Variants in B3GALT1 observed in about 807,000 individuals in gnomAD.
B3GALT1 encodes UDP-Gal:betaGlcNAc beta 1,3-galactosyltransferase, polypeptide 1.
Under a neutral mutation model 23.2 loss-of-function variants are expected in B3GALT1, and 10 were observed. The ratio of observed to expected loss-of-function variants is 0.43; its 90% CI spans 0.27 to 0.73. The LOEUF (loss-of-function observed/expected upper bound fraction) is 0.73. Among genes scored for constraint, B3GALT1 ranks in the 30% least tolerant of loss-of-function variants. The pLI is 0.21. For synonymous variants in B3GALT1, 156 were observed against 141.5 expected (o/e 1.10, Z -0.73); for missense variants, 299 against 405.4 (o/e 0.74, Z 2.25).
intron 1 of B3GALT1, among the ~76,000 whole-genome samples, chr2:167,455,207 G>A (rs1699149950): frequency 6.6e-6 from 1 of 152,086 alleles, no homozygotes; most frequent in Admixed American, 6.5e-5. Flanking sequence ...TCACACATTG[G>A]ACTTTATGGA....
At chr2:167,370,339 C>G (rs1453517967) in intron 1 of B3GALT1, among the ~76,000 whole-genome samples, 1 of 151,764 alleles carries the variant, frequency 6.6e-6, no homozygotes, top group Non-Finnish European at 1.5e-5. Flanking sequence ...CACCTAATGG[C>G]AATGTCTGCA....
intron 2 of B3GALT1, among the ~76,000 whole-genome samples, chr2:167,511,942 A>G (rs1191982582): frequency 2.0e-5 from 3 of 152,216 alleles, no homozygotes; most frequent in African/African-American, 7.2e-5. Flanking sequence ...GAATACAGCA[A>G]TGAATACAAA....
intron 1 of B3GALT1, among the ~76,000 whole-genome samples, chr2:167,363,570 C>G (rs1034502515): frequency 6.6e-6 from 1 of 152,116 alleles, no homozygotes; most frequent in African/African-American, 2.4e-5. Context: ...CACCTCCTTG[C>G]CTGTGGCATA....
intron 1 of B3GALT1, among the ~76,000 whole-genome samples, chr2:167,480,158 G>C (rs1179783990): frequency 6.6e-6 from 1 of 152,138 alleles, no homozygotes; most frequent in Non-Finnish European, 1.5e-5. Flanking sequence ...TGAGCAGTAA[G>C]GGATTATAGA....
intron 4 of B3GALT1, among the ~76,000 whole-genome samples, chr2:167,833,091 C>T (rs746446394): frequency 6.6e-6 from 1 of 152,180 alleles, no homozygotes; most frequent in Non-Finnish European, 1.5e-5. Context: ...GTAATTTCTC[C>T]TCCCCTCACT....
At chr2:167,588,503 A>G (rs145986959) in intron 2 of B3GALT1, among the ~76,000 whole-genome samples, 50 of 152,262 alleles carry the variant, frequency 3.3e-4, no homozygotes, top group African/African-American at 1.1e-3. Context: ...ACTCCCCACA[A>G]TAGCATATAA....
chr2:167,725,447 C>A, intron 3 of B3GALT1, among the ~76,000 whole-genome samples: 1 of 152,072 alleles, frequency 6.6e-6, no homozygotes, highest in East Asian at 1.9e-4. Context: ...CTCTGGAAAC[C>A]CTGAACTAAT....
intron 2 of B3GALT1, among the ~76,000 whole-genome samples, chr2:167,534,151 A>G (rs2105369635): frequency 6.6e-6 from 1 of 152,210 alleles, no homozygotes. Flanking sequence ...ATTTCTGAAG[A>G]TACTTACCTT....
intron 2 of B3GALT1, among the ~76,000 whole-genome samples, chr2:167,612,254 A>T (rs1685079539): frequency 6.6e-6 from 1 of 151,950 alleles, no homozygotes; most frequent in South Asian, 2.1e-4. Flanking sequence ...GGACCTAAAA[A>T]ATTCAATATT....
chr2:167,533,870 C>T (rs906338825), intron 2 of B3GALT1, among the ~76,000 whole-genome samples: 1 of 152,066 alleles, frequency 6.6e-6, no homozygotes. Context: ...TTGTTGTTTG[C>T]CTAGAAATGT....
intron 2 of B3GALT1, among the ~76,000 whole-genome samples, chr2:167,566,460 C>T (rs959827423): frequency 1.3e-5 from 2 of 151,256 alleles, no homozygotes; most frequent in Non-Finnish European, 2.9e-5. Context: ...ATGTAACTAA[C>T]CTGCACATTG....
chr2:167,703,910 G>A (rs181819833), intron 3 of B3GALT1, among the ~76,000 whole-genome samples: 7 of 152,172 alleles, frequency 4.6e-5, no homozygotes, highest in African/African-American at 7.2e-5. Flanking sequence ...GGCCCGGCGC[G>A]GTGGCTCACA....
At chr2:167,457,942 A>AT (rs1303010137) in intron 1 of B3GALT1, among the ~76,000 whole-genome samples, 1 of 152,142 alleles carries the variant, frequency 6.6e-6, no homozygotes, top group Non-Finnish European at 1.5e-5. Flanking sequence ...TTTCTCTTCT[A>AT]TTTTCTATTG....
rs149898522 is a variant in B3GALT1, at chr2:167,623,679, C to T, written c.-409-23230C>T. Among the ~76,000 whole-genome samples, 3 of 152,108 alleles carry T rather than the reference C, an allele frequency of 2.0e-5. No homozygotes were observed. In the East Asian group the frequency reaches 5.8e-4, roughly 30 times the overall value. On this transcript the variant is annotated intron_variant, in intron 2 of 4. Transcript: ENST00000392690. ...TGACGGGTTGATGGGTGCACCAAAC[C>T]ACCATGGCACATGTGTACCTATGTA... is the stretch of plus-strand genomic sequence containing the variant.
intron 3 of B3GALT1, chr2:167,715,182 C>A (rs1358927639): frequency 3.0e-5 from 48 of 1,613,834 alleles, no homozygotes; most frequent in Admixed American, 1.0e-4. Context: ...TGACTGTTCA[C>A]TTCTAATTCC....
intron 3 of B3GALT1, among the ~76,000 whole-genome samples, chr2:167,662,905 T>A (rs1228334048): frequency 6.6e-6 from 1 of 152,100 alleles, no homozygotes; most frequent in East Asian, 1.9e-4. Flanking sequence ...GACTGCCTTG[T>A]CTTCTCCAAG....
At position 167,822,637 on chromosome 2, in the gene B3GALT1, T is replaced by G. The variant is rs190597727; in HGVS notation, c.-230+3844T>G. 2.5e-3 allele frequency among the ~76,000 whole-genome samples: 387 copies of G among 152,324 alleles called. 1 individual carries two copies. The highest frequency in any genetic ancestry group is 4.8e-3 in the Non-Finnish European group (329 of 68,020). On this transcript the variant is annotated intron_variant, in intron 4 of 4. Coordinates refer to ENST00000392690, the MANE Select transcript of B3GALT1 (RefSeq NM_020981.4). The stretch of plus-strand genomic sequence containing the variant: ...GCACAGGCATACATTTCTTTTCGCC[T>G]TCTTACTCCCACCTGGCTTCAGACC...
intron 2 of B3GALT1, among the ~76,000 whole-genome samples, chr2:167,541,890 T>A (rs1683538820): frequency 6.6e-6 from 1 of 152,084 alleles, no homozygotes; most frequent in Non-Finnish European, 1.5e-5. Context: ...AGTTCAGAGG[T>A]CACAACATGA....
At chr2:167,630,776 G>T (rs990942652) in intron 2 of B3GALT1, among the ~76,000 whole-genome samples, 41 of 151,680 alleles carry the variant, frequency 2.7e-4, no homozygotes, top group African/African-American at 9.9e-4. Flanking sequence ...TCATAATACA[G>T]ACTTTGAAAG....
Sources: allele counts gnomAD v4.1 joint callset (sites outside exome capture counted in the v4.1 genomes callset), GRCh38; gene constraint gnomAD v4.1.1; transcripts MANE v1.5; gene names NCBI Gene and HGNC (gene_info 2026-07-23, HGNC 2026-07-21).